ALPK2: variants seen among roughly 807,000 people sequenced by gnomAD.
The protein encoded by ALPK2 is alpha-protein kinase 2.
Under a neutral mutation model 163.1 loss-of-function variants are expected in ALPK2, and 127 were observed. The ratio of observed to expected loss-of-function variants is 0.78; its 90% CI spans 0.67 to 0.90. The LOEUF is 0.90. ALPK2 is among the 40% of genes least tolerant of loss of function. The pLI is 0.00. For synonymous variants in ALPK2, 953 were observed against 959.1 expected (o/e 0.99, Z 0.12); for missense variants, 2,360 against 2,589.6 (o/e 0.91, Z 1.92).
rs1463167193 is a variant in ALPK2 at position 58,579,145 on chromosome 18, C to T, written c.1631G>A (p.Gly544Glu). The change falls in exon 4 of 13, where the codon GGA becomes GAA. Residue 544 changes from glycine (G) to glutamate (E), a missense_variant. Transcript: ENST00000361673. ...SARVRQPGMK[G>E]NPKKPNANLR... ...GTTGGCATTCGGCTTCTTGGGATTTCCCTTCATTCCCGGCTGCCTCACCCT... is the reference window on the plus strand; with the variant it reads ...GTTGGCATTCGGCTTCTTGGGATTTTCCTTCATTCCCGGCTGCCTCACCCT... 1 of 1,614,042 alleles carries T rather than the reference C, an allele frequency of 6.2e-7. No individual in the cohort carries two copies. The highest frequency in any genetic ancestry group is 1.3e-5 in the African/African-American group (1 of 74,908).
At chr18:58,498,416 ATGCTTG>A (rs960273962) in intron 11 of ALPK2, among the ~76,000 whole-genome samples, 2 of 152,150 alleles carry the variant, frequency 1.3e-5, no homozygotes, top group African/African-American at 4.8e-5. Context: ...CTGAGGCCTG[ATGCTTG>A]TCCCGTAAGC....
chr18:58,521,627 C>CTCTTTTTTTTTTTTTTTTTTTT (rs59358600), intron 8 of ALPK2, among the ~76,000 whole-genome samples: 13 of 55,386 alleles, frequency 2.3e-4, no homozygotes, highest in South Asian at 7.9e-4. Context: ...TTCTCTCTCT[C>CTCTTTTTTTTTTTTTTTTTTTT]TTTTTTTTTT....
chr18:58,619,521 G>A (rs909476153), intron 1 of ALPK2, among the ~76,000 whole-genome samples: 13 of 152,256 alleles, frequency 8.5e-5, no homozygotes, highest in Non-Finnish European at 1.3e-4. Context: ...CGTTTGCCCC[G>A]AGAATACTGT....
intron 4 of ALPK2, among the ~76,000 whole-genome samples, chr18:58,566,013 C>T (rs1443976772): frequency 1.3e-5 from 2 of 152,138 alleles, no homozygotes; most frequent in Non-Finnish European, 2.9e-5. Flanking sequence ...GGACTCCTGA[C>T]CTCATGATCC....
chr18:58,612,446 AT>A (rs1438450961), intron 1 of ALPK2, among the ~76,000 whole-genome samples: 1 of 152,234 alleles, frequency 6.6e-6, no homozygotes, highest in Non-Finnish European at 1.5e-5. Flanking sequence ...TAAACACTTG[AT>A]TAGTCACCAG....
chr18:58,606,841 T>A (rs57737161), intron 3 of ALPK2, among the ~76,000 whole-genome samples: 1 of 152,136 alleles, frequency 6.6e-6, no homozygotes, highest in Admixed American at 6.5e-5. Context: ...CAAAAAAAAA[T>A]TCGAAATCAC....
intron 5 of ALPK2, among the ~76,000 whole-genome samples, chr18:58,531,685 G>A (rs999950039): frequency 1.4e-5 from 2 of 146,306 alleles, no homozygotes; most frequent in Non-Finnish European, 3.0e-5. Context: ...ATGCGGGCAT[G>A]GTGGCTCATT....
chr18:58,535,120 C>T lies in ALPK2; in HGVS notation c.5067G>A (p.Lys1689=). 1.2e-6 allele frequency: 2 copies of T among 1,614,102 alleles called. No homozygotes were observed. The highest frequency in any genetic ancestry group is 1.6e-4 in the Middle Eastern group (1 of 6,062). ...GCAKKSRERE[K]SLEARAGKSP... Reference sequence around the variant, plus strand: ...ATTTGCCTGCTCGGGCTTCCAGGGACTTCTCTCTCTCCCTGGACTTTTTCG... The same window carrying T: ...ATTTGCCTGCTCGGGCTTCCAGGGATTTCTCTCTCTCCCTGGACTTTTTCG... The change falls in exon 5 of 13, where the codon AAG becomes AAA. Residue 1689 remains lysine (K), a synonymous_variant. Coordinates refer to ENST00000361673, the MANE Select transcript of ALPK2 (RefSeq NM_052947.4).
chr18:58,523,785 G>C (rs2051568714), intron 8 of ALPK2, 21 bp downstream of exon 8: 7 of 1,614,142 alleles, frequency 4.3e-6, no homozygotes, highest in Non-Finnish European at 5.9e-6. Flanking sequence ...TCCTCTGGCA[G>C]GTCAACCCTA....
At chr18:58,543,381 T>C (rs1283454087) in intron 4 of ALPK2, 8 of 985,324 alleles carry the variant, frequency 8.1e-6, no homozygotes, top group Non-Finnish European at 9.6e-6. Context: ...CTCAGGCGGC[T>C]ATGTGTAGAC....
chr18:58,500,614 G>A (rs556340194), intron 11 of ALPK2, among the ~76,000 whole-genome samples: 1 of 152,254 alleles, frequency 6.6e-6, no homozygotes, highest in Non-Finnish European at 1.5e-5. Flanking sequence ...GAAAGGAAAT[G>A]AACAGCATTA....
chr18:58,616,940 G>C (rs79576702), intron 1 of ALPK2, among the ~76,000 whole-genome samples: 11,837 of 152,008 alleles, frequency 0.078, 745 homozygotes, highest in African/African-American at 0.17. Context: ...TTGGGGACTG[G>C]GCCCACAACC....
rs542194552 is a variant in ALPK2 at position 58,561,032 on chromosome 18, C to T, written c.1962+17782G>A. On this transcript the variant is annotated intron_variant, in intron 4 of 12. Coordinates refer to ENST00000361673, the MANE Select transcript of ALPK2 (RefSeq NM_052947.4). ...TTACAATGCTTCTGAAGTTGTCACA[C>T]TTGCTGAGTTTAAATCCCCTCTAAC... 3.9e-5 allele frequency among the ~76,000 whole-genome samples: 6 copies of T among 152,308 alleles called. No homozygotes were observed. In the South Asian group the frequency reaches 1.2e-3, roughly 32 times the overall value.
chr18:58,514,455 T>C (rs1051152025), intron 10 of ALPK2, among the ~76,000 whole-genome samples: 14 of 152,290 alleles, frequency 9.2e-5, no homozygotes, highest in African/African-American at 2.9e-4. Flanking sequence ...CAAAATTTGC[T>C]TGGGCCAGTA....
At chr18:58,525,819 G>A (rs893811077) in intron 6 of ALPK2, among the ~76,000 whole-genome samples, 5 of 152,234 alleles carry the variant, frequency 3.3e-5, no homozygotes, top group Middle Eastern at 3.4e-3. Context: ...TCATTACTTC[G>A]TGGTGAGCAG....
intron 4 of ALPK2, among the ~76,000 whole-genome samples, chr18:58,550,637 CGTACAACCCCATCCCCGTCTCCATCAT>C (rs1568082674): frequency 2.0e-5 from 3 of 149,508 alleles, no homozygotes; most frequent in African/African-American, 7.6e-5. Context: ...ATCTCCATCA[CGTACAACCCCATCCCCGTCTCCATCAT>C]GTACAACCCC....
At position 58,537,321 on chromosome 18, in the gene ALPK2, A is replaced by G. The variant is rs762832281; in HGVS notation, c.2866T>C (p.Phe956Leu). 2 of 1,614,092 alleles carry G rather than the reference A, an allele frequency of 1.2e-6. No homozygotes were observed. Among genetic ancestry groups the G allele is most frequent in the South Asian group, 2.2e-5 (2 of 91,066 alleles). ...LSSENNPLVQ[F>L]KEGGDKSPSP... ...GGGCTCTTGTCACCTCCTTCTTTAA[A>G]TTGCACTAAAGGATTGTTCTCAGAA... is the stretch of plus-strand genomic sequence containing the variant. Residue 956 changes from phenylalanine to leucine, a missense_variant, in exon 5 of 13, where the codon TTT (phenylalanine) becomes CTT (leucine). Phe to Leu is a conservative substitution (Grantham distance 22, BLOSUM62 0). Transcript: ENST00000361673.
chr18:58,527,038 A>ATTCCTT (rs1305784967), intron 6 of ALPK2, among the ~76,000 whole-genome samples: 1 of 152,230 alleles, frequency 6.6e-6, no homozygotes, highest in East Asian at 1.9e-4. Context: ...GTATTTCCGC[A>ATTCCTT]TTCCTTTGCC....
At chr18:58,525,805 C>T (rs2051581107) in intron 6 of ALPK2, among the ~76,000 whole-genome samples, 1 of 151,980 alleles carries the variant, frequency 6.6e-6, no homozygotes, top group Non-Finnish European at 1.5e-5. Flanking sequence ...AGCGTGGTCA[C>T]GAGTCATTAC....
Sources: gnomAD v4.1 joint callset for allele counts (sites outside exome capture counted in the v4.1 genomes callset) on GRCh38, gnomAD v4.1.1 for gene constraint, MANE v1.5 for transcripts, NCBI Gene and HGNC (gene_info 2026-07-23, HGNC 2026-07-21) for gene names.